CD34: variants seen among roughly 807,000 people sequenced by gnomAD.
CD34 encodes hematopoietic progenitor cell antigen CD34.
A neutral mutation model predicts 40.1 loss-of-function variants in CD34; 34 were observed. The observed-to-expected ratio is 0.85, with a 90% CI of 0.65 to 1.13. CD34 has a LOEUF of 1.13. Among genes scored for constraint, CD34 ranks in the 50% most tolerant of loss-of-function variants. The pLI, the probability that CD34 is intolerant of heterozygous loss-of-function variation, is 0.00. For missense variants in CD34, 426 were observed against 466.9 expected (o/e 0.91, Z 0.81); for synonymous variants, 209 against 190.0 (o/e 1.10, Z -0.82).
chr1:207,889,641 T>G lies in CD34; in HGVS notation c.598-20A>C, dbSNP rs762789165. The G allele has an allele frequency of 6.2e-7, 1 of 1,612,682 alleles. No individual in the cohort carries two copies. The highest frequency in any genetic ancestry group is 2.2e-5 in the East Asian group (1 of 44,842). On this transcript the variant is annotated intron_variant, in intron 4 of 7. Transcript: ENST00000310833. The stretch of plus-strand genomic sequence containing the variant: ...CTCCGCCTGGGAAGACAGAGAAACA[T>G]GGAGAGCAAGAGATGAAATTACTGC...
rs570140437 is a variant in CD34 at position 207,900,584 on chromosome 1, C to T, written c.80-581G>A. ...GTCTCTATGCGATCCCCTTAAAAAT[C>T]TATACTTCTCAGACTTCCCATTCCC... On this transcript the variant is annotated intron_variant, in intron 1 of 7. Transcript: ENST00000310833. Among the ~76,000 whole-genome samples, 16 of 152,316 alleles carry T rather than the reference C, an allele frequency of 1.1e-4. No individual in the cohort carries two copies. In the East Asian group the frequency reaches 2.5e-3, roughly 24 times the overall value.
At position 207,910,998 on chromosome 1, in the gene CD34, T is replaced by C; in HGVS notation, c.79+4A>G. 1 of 1,582,530 alleles carries C rather than the reference T, an allele frequency of 6.3e-7. No individual in the cohort carries two copies. Among genetic ancestry groups the C allele is most frequent in the Non-Finnish European group, 8.6e-7 (1 of 1,167,306 alleles). The stretch of plus-strand genomic sequence containing the variant: ...AGCGGCCGCGGCGCGCGGGCGGTAC[T>C]CACGCAGCAAACTCAGCAAGCAAAG... On this transcript the variant is annotated splice_donor_region_variant and intron_variant, in intron 1 of 7. Coordinates refer to ENST00000310833, the MANE Select transcript of CD34 (RefSeq NM_001025109.2).
At chr1:207,896,428 G>T (rs1662150487) in intron 4 of CD34, among the ~76,000 whole-genome samples, 1 of 152,198 alleles carries the variant, frequency 6.6e-6, no homozygotes, top group African/African-American at 2.4e-5. Flanking sequence ...GCAATATATT[G>T]TAGTAGATAA....
Position 207,884,932 on chromosome 1 carries a change from A to G in CD34, c.*2806T>C, listed in dbSNP as rs1661872917. On this transcript the variant is annotated 3_prime_UTR_variant, in exon 8 of 8. Transcript: ENST00000310833. The stretch of plus-strand genomic sequence containing the variant: ...TGCCACACTGGCTTCATGACATCCA[A>G]CTGGAGTAACACGGAGGACTCGGCA... 6.6e-6 allele frequency: 1 copy of G among 152,326 alleles called. No homozygotes were observed. The highest frequency in any genetic ancestry group is 2.4e-5 in the African/African-American group (1 of 41,572). The allele number at this position is 152,326 out of a possible 1,614,324, so 9.4% of individuals were successfully genotyped here. A position where few individuals can be genotyped will look rare whatever the true frequency, so the allele number is the denominator to read the frequency against.
rs1662234182 is a variant in CD34 at position 207,899,672 on chromosome 1, G to A, written c.262+149C>T. The A allele has an allele frequency of 5.8e-6, 4 of 683,776 alleles. No homozygotes were observed. The East Asian group carries it at 1.1e-4, about 19-fold the overall frequency. 42.4% of individuals were successfully genotyped at this position (683,776 alleles called of 1,614,324 possible). On this transcript the variant is annotated intron_variant, in intron 2 of 7. Coordinates refer to ENST00000310833, the MANE Select transcript of CD34 (RefSeq NM_001025109.2). The stretch of plus-strand genomic sequence containing the variant: ...GAAGAATTATCTAGAACTTACTTCA[G>A]GGCACCCTAAGCATGATACTCAAGT...
chr1:207,888,699 G>A lies in CD34; in HGVS notation c.955C>T (p.Pro319Ser), dbSNP rs1237251103. The A allele has an allele frequency of 4.3e-6, 7 of 1,614,108 alleles. No individual in the cohort carries two copies. The highest frequency in any genetic ancestry group is 1.7e-5 in the Admixed American group (1 of 60,026). The stretch of plus-strand genomic sequence containing the variant: ...GAACTGACCAGCCTTTCTCCTGTGG[G>A]GCTCCAGCTGCGGCGATTCATCAGG... ...YFLMNRRSWS[P>S]TGERLGEDPY... Residue 319 changes from proline (P) to serine (S), a missense_variant, in exon 7 of 8, where the codon CCC becomes TCC. By Grantham distance (74) the Pro-to-Ser change is moderately conservative. Transcript: ENST00000310833.
intron 1 of CD34, among the ~76,000 whole-genome samples, chr1:207,901,208 C>T (rs1272845982): frequency 6.6e-6 from 1 of 152,164 alleles, no homozygotes; most frequent in African/African-American, 2.4e-5. Flanking sequence ...AGCTTCTTGA[C>T]TGAACCCTAT....
intron 1 of CD34, among the ~76,000 whole-genome samples, chr1:207,903,102 C>T (rs1028410353): frequency 3.3e-5 from 5 of 152,194 alleles, no homozygotes; most frequent in Non-Finnish European, 5.9e-5. Context: ...GACACCTTAG[C>T]CAGGGGCCTG....
chr1:207,889,985 TTC>T (rs1661999043), intron 4 of CD34: 3 of 1,436,710 alleles, frequency 2.1e-6, no homozygotes, highest in Admixed American at 6.6e-5. Context: ...AGAGAAAATA[TTC>T]TGTTTCAAGA....
In CD34 at chr1:207,887,590, T is replaced by C. The variant is rs2102293783; in HGVS notation, c.*148A>G. On this transcript the variant is annotated 3_prime_UTR_variant, in exon 8 of 8. Coordinates refer to ENST00000310833, the MANE Select transcript of CD34 (RefSeq NM_001025109.2). ...AGTTTACCTGCCCCTCCTCAAGGTGTAGGGCCCCAAGAACAGCCTCTGAGG... is the reference window on the plus strand; with the variant it reads ...AGTTTACCTGCCCCTCCTCAAGGTGCAGGGCCCCAAGAACAGCCTCTGAGG... 2.7e-6 allele frequency: 3 copies of C among 1,120,236 alleles called. No individual in the cohort carries two copies. The highest frequency in any genetic ancestry group is 5.2e-5 in the East Asian group (2 of 38,734). The allele number at this position is 1,120,236 out of a possible 1,614,324, so 69.4% of individuals were successfully genotyped here. A position where few individuals can be genotyped will look rare whatever the true frequency, so the allele number is the denominator to read the frequency against.
rs530956903 is a variant in CD34, at chr1:207,889,110, G to GC, written c.807+50dup. The GC allele has an allele frequency of 5.3e-4, 592 of 1,120,038 alleles. 1 individual carries two copies. The highest frequency in any genetic ancestry group is 7.3e-4 in the Non-Finnish European group (532 of 728,488). The allele number at this position is 1,120,038 out of a possible 1,614,324, so 69.4% of individuals were successfully genotyped here. A position where few individuals can be genotyped will look rare whatever the true frequency, so the allele number is the denominator to read the frequency against. On this transcript the variant is annotated intron_variant, in intron 6 of 7. Transcript: ENST00000310833. ...ATGACTTCCCCCCTTACTCCAGGGAGCCCCCCTGCCCCGGCATTCCCTCTC... is the reference window on the plus strand; with the variant it reads ...ATGACTTCCCCCCTTACTCCAGGGAGCCCCCCCTGCCCCGGCATTCCCTCTC...
At chr1:207,904,470 G>T (rs896824885) in intron 1 of CD34, among the ~76,000 whole-genome samples, 5 of 152,288 alleles carry the variant, frequency 3.3e-5, no homozygotes, top group Non-Finnish European at 7.3e-5. Context: ...CACATTCAAA[G>T]GCTTCTTTAC....
Position 207,886,603 on chromosome 1 carries a change from ACCC to A in CD34, c.*1132_*1134del, listed in dbSNP as rs1404324713. 2 of 152,552 alleles carry A rather than the reference ACCC, an allele frequency of 1.3e-5. No individual in the cohort carries two copies. The highest frequency in any genetic ancestry group is 2.9e-5 in the Non-Finnish European group (2 of 68,036). 9.4% of individuals were successfully genotyped at this position (152,552 alleles called of 1,614,324 possible). A position where few individuals can be genotyped will look rare whatever the true frequency, so the allele number is the denominator to read the frequency against. On this transcript the variant is annotated 3_prime_UTR_variant, in exon 8 of 8. Transcript: ENST00000310833. ...CACTTTGTATTCAGAAAAAATATCT[ACCC>A]AATACTCTCTTCTCTGGAAATTTCT...
intron 4 of CD34, among the ~76,000 whole-genome samples, chr1:207,892,033 G>T (rs1662048213): frequency 6.6e-6 from 1 of 152,102 alleles, no homozygotes; most frequent in South Asian, 2.1e-4. Context: ...CCAAGATGGG[G>T]ACAGCATGCA....
intron 1 of CD34, among the ~76,000 whole-genome samples, chr1:207,903,690 T>C (rs920742781): frequency 3.9e-5 from 6 of 152,218 alleles, no homozygotes; most frequent in African/African-American, 1.2e-4. Flanking sequence ...TTCTTCAGAG[T>C]CAATTATTCT....
chr1:207,883,165 CG>C lies in CD34; in HGVS notation c.*4572del, dbSNP rs1558115118. The C allele has an allele frequency of 6.6e-6, 1 of 152,194 alleles. No homozygotes were observed. Among genetic ancestry groups the C allele is most frequent in the African/African-American group, 2.4e-5 (1 of 41,440 alleles). 9.4% of individuals were successfully genotyped at this position (152,194 alleles called of 1,614,324 possible). ...GTGACACCCGGATCTTTCTGGTACT[CG>C]GCTTCCCTTAACACATTCTACTTCT... On this transcript the variant is annotated 3_prime_UTR_variant, in exon 8 of 8. Coordinates refer to ENST00000310833, the MANE Select transcript of CD34 (RefSeq NM_001025109.2).
chr1:207,900,094 G>A (rs746334930), intron 1 of CD34, 91 bp from the exon 2 acceptor site: 70 of 969,396 alleles, frequency 7.2e-5, no homozygotes, highest in Non-Finnish European at 6.0e-5. Context: ...GGTAGAATTC[G>A]TCTAGAACAT....
chr1:207,907,128 T>C (rs1294627494), intron 1 of CD34, among the ~76,000 whole-genome samples: 1 of 152,114 alleles, frequency 6.6e-6, no homozygotes, highest in Non-Finnish European at 1.5e-5. Context: ...GTGTAGCCAG[T>C]ATTTACTGAA....
chr1:207,896,061 G>A (rs1383260268), intron 4 of CD34, among the ~76,000 whole-genome samples: 1 of 152,176 alleles, frequency 6.6e-6, no homozygotes, highest in African/African-American at 2.4e-5. Context: ...GTAAGTCAGA[G>A]AGACCCAACT....
Sources: allele counts gnomAD v4.1 joint callset (sites outside exome capture counted in the v4.1 genomes callset), GRCh38; gene constraint gnomAD v4.1.1; transcripts MANE v1.5; gene names NCBI Gene and HGNC (gene_info 2026-07-23, HGNC 2026-07-21).